NIM1K: variants seen among roughly 807,000 people sequenced by gnomAD.
NIM1K encodes the protein NIM1 serine/threonine protein kinase.
A neutral mutation model predicts 37.1 loss-of-function variants in NIM1K; 35 were observed. That is an observed-to-expected ratio of 0.94 (90% confidence interval 0.72 to 1.25). NIM1K has a LOEUF of 1.25. Among genes scored for constraint, NIM1K ranks in the 50% most tolerant of loss-of-function variants. NIM1K has a pLI of 0.00. For synonymous variants in NIM1K, 234 were observed against 206.6 expected, an observed-to-expected ratio of 1.13 and a Z score of -1.14; for missense variants, 564 against 548.0, an observed-to-expected ratio of 1.03 and a Z score of -0.29.
At chr5:43,273,009 G>A (rs1404671277) in intron 2 of NIM1K, among the ~76,000 whole-genome samples, 1 of 152,082 alleles carries the variant, frequency 6.6e-6, no homozygotes, top group Admixed American at 6.5e-5. Flanking sequence ...CGCTAGGTGG[G>A]ACCTGTGTCA....
At chr5:43,261,708 G>T (rs1038097137) in intron 2 of NIM1K, among the ~76,000 whole-genome samples, 26 of 152,074 alleles carry the variant, frequency 1.7e-4, no homozygotes, top group Non-Finnish European at 3.5e-4. Context: ...GAATGGTATT[G>T]CCTAGGTTTT....
intron 1 of NIM1K, among the ~76,000 whole-genome samples, chr5:43,236,877 G>A (rs4368737): frequency 2.0e-5 from 3 of 152,006 alleles, no homozygotes; most frequent in Admixed American, 6.5e-5. Context: ...AGAAACCAGC[G>A]CATACTGACT....
chr5:43,252,749 G>T (rs1429974183), intron 2 of NIM1K, among the ~76,000 whole-genome samples: 2 of 152,002 alleles, frequency 1.3e-5, no homozygotes, highest in East Asian at 3.9e-4. Context: ...CCCCCTTTTA[G>T]GCTGATTAGA....
At chr5:43,216,015 T>C (rs1390506144) in intron 1 of NIM1K, among the ~76,000 whole-genome samples, 2 of 151,336 alleles carry the variant, frequency 1.3e-5, no homozygotes, top group African/African-American at 4.9e-5. Context: ...CCCGGAGGCT[T>C]TTCTGTTTCC....
chr5:43,235,886 C>T (rs1752614186), intron 1 of NIM1K, among the ~76,000 whole-genome samples: 1 of 150,210 alleles, frequency 6.7e-6, no homozygotes, highest in Admixed American at 6.7e-5. Flanking sequence ...AAACCTAGAA[C>T]AGAGCCTGGA....
chr5:43,242,382 G>C (rs2112258468), intron 1 of NIM1K, among the ~76,000 whole-genome samples: 1 of 151,988 alleles, frequency 6.6e-6, no homozygotes, highest in Non-Finnish European at 1.5e-5. Context: ...GCAGGAGATG[G>C]AGGGGAGCAG....
At chr5:43,252,261 G>C (rs568014975) in intron 2 of NIM1K, among the ~76,000 whole-genome samples, 1 of 152,290 alleles carries the variant, frequency 6.6e-6, no homozygotes, top group Non-Finnish European at 1.5e-5. Flanking sequence ...TTTTCCCACT[G>C]TGTGGGTGTG....
At position 43,200,346 on chromosome 5, in the gene NIM1K, G is replaced by A. The variant is rs533320531; in HGVS notation, c.-695+7935G>A. 9.2e-5 allele frequency among the ~76,000 whole-genome samples: 14 copies of A among 152,084 alleles called. No individual in the cohort carries two copies. In the South Asian group the frequency reaches 2.9e-3, roughly 32 times the overall value. On this transcript the variant is annotated intron_variant, in intron 1 of 3. Transcript: ENST00000326035. The stretch of plus-strand genomic sequence containing the variant: ...GATGGAGTCTCACTCTGCCTCCCAG[G>A]CTGGAGTGCAGTGACGCGATCTCGG...
chr5:43,206,519 A>T (rs998678852), intron 1 of NIM1K, among the ~76,000 whole-genome samples: 3 of 151,580 alleles, frequency 2.0e-5, no homozygotes, highest in African/African-American at 7.2e-5. Context: ...AAAAAAAAAA[A>T]AATAGGTTGG....
At chr5:43,262,042 T>A (rs1753038937) in intron 2 of NIM1K, among the ~76,000 whole-genome samples, 1 of 152,236 alleles carries the variant, frequency 6.6e-6, no homozygotes, top group Non-Finnish European at 1.5e-5. Context: ...TCAGGTAGTG[T>A]GATGCCTCCT....
intron 1 of NIM1K, among the ~76,000 whole-genome samples, chr5:43,229,122 C>T (rs553284250): frequency 7.9e-5 from 12 of 152,288 alleles, no homozygotes; most frequent in Admixed American, 6.5e-4. Context: ...TGGCTCATGC[C>T]TGTAATTCCA....
rs201641612 is a variant in NIM1K at position 43,280,659 on chromosome 5, G to C, written c.1241G>C (p.Arg414Thr). ...ATGATGCTACCAGACCCTAAAGAAA[G>C]AGACCTCAAAAAAGGGTCCCGTGTC... ...PVMMLPDPKE[R>T]DLKKGSRVYR... Residue 414 changes from arginine (R) to threonine (T), a missense_variant, in exon 4 of 4, where the codon AGA (arginine) becomes ACA (threonine). Transcript: ENST00000326035. The C allele has an allele frequency of 3.1e-6, 5 of 1,613,124 alleles. No individual in the cohort carries two copies. In the East Asian group the frequency reaches 1.1e-4, roughly 36 times the overall value.
chr5:43,208,641 G>A (rs72752582), intron 1 of NIM1K, among the ~76,000 whole-genome samples: 10,358 of 152,112 alleles, frequency 0.068, 730 homozygotes, highest in African/African-American at 0.18. Context: ...AAGAGCAAAT[G>A]TGTTCCAGTT....
rs376198734 is a variant in NIM1K, at chr5:43,196,870, T to C, written c.-695+4459T>C. On this transcript the variant is annotated intron_variant, in intron 1 of 3. Transcript: ENST00000326035. ...TCACTGCAGCCTTAAATTCCTGAGTTCAAGCAATCCTTCCCCCTCAACCTC... is the reference window on the plus strand; with the variant it reads ...TCACTGCAGCCTTAAATTCCTGAGTCCAAGCAATCCTTCCCCCTCAACCTC... Among the ~76,000 whole-genome samples the C allele has an allele frequency of 6.0e-5, 9 of 150,062 alleles. No individual in the cohort carries two copies. In the East Asian group the frequency reaches 1.0e-3, roughly 17 times the overall value.
At chr5:43,223,575 C>T (rs768298739) in intron 1 of NIM1K, among the ~76,000 whole-genome samples, 1 of 152,198 alleles carries the variant, frequency 6.6e-6, no homozygotes, top group Non-Finnish European at 1.5e-5. Context: ...ACATATCTAT[C>T]ATACAGCTTG....
intron 1 of NIM1K, among the ~76,000 whole-genome samples, chr5:43,222,984 C>T (rs1752402918): frequency 6.6e-6 from 1 of 151,580 alleles, no homozygotes; most frequent in African/African-American, 2.4e-5. Flanking sequence ...ACTAAAAATA[C>T]AAAAATTAGC....
intron 2 of NIM1K, 89 bp downstream of exon 2, chr5:43,246,156 T>G: frequency 8.5e-7 from 1 of 1,171,876 alleles, no homozygotes; most frequent in Non-Finnish European, 1.2e-6. Flanking sequence ...AGGAAGCAAG[T>G]AAAGTGACCT....
intron 1 of NIM1K, among the ~76,000 whole-genome samples, chr5:43,199,114 G>A (rs1317621747): frequency 6.8e-6 from 1 of 148,010 alleles, no homozygotes; most frequent in Non-Finnish European, 1.5e-5. Flanking sequence ...CTTGAACCCG[G>A]GAGGCAGAGG....
At position 43,279,329 on chromosome 5, in the gene NIM1K, A is replaced by C. The variant is rs138222327; in HGVS notation, c.562-651A>C. 4.0e-3 allele frequency among the ~76,000 whole-genome samples: 608 copies of C among 152,258 alleles called. 1 individual carries two copies. The highest frequency in any genetic ancestry group is 0.014 in the African/African-American group (587 of 41,546). On this transcript the variant is annotated intron_variant, in intron 3 of 3. Coordinates refer to ENST00000326035, the MANE Select transcript of NIM1K (RefSeq NM_153361.4). ...TAGAATTGACCAGACTGTCCCCTCC[A>C]AAGCCTGGATTCTTATTCCAGGAGG...
Sources: gnomAD v4.1 joint callset for allele counts (sites outside exome capture counted in the v4.1 genomes callset) on GRCh38, gnomAD v4.1.1 for gene constraint, MANE v1.5 for transcripts, NCBI Gene and HGNC (gene_info 2026-07-23, HGNC 2026-07-21) for gene names.